PPOX: variants seen among roughly 807,000 people sequenced by gnomAD.
The protein encoded by PPOX is variegate porphyria.
A neutral mutation model predicts 54.1 loss-of-function variants in PPOX; 23 were observed. The ratio of observed to expected loss-of-function variants is 0.43; its 90% confidence interval spans 0.31 to 0.60. PPOX has a LOEUF of 0.60. Ranked by LOEUF, PPOX falls within the 20% of genes least tolerant of loss-of-function variation. The pLI is 0.13. For missense variants in PPOX, 512 were observed against 601.1 expected (o/e 0.85, Z 1.55); for synonymous variants, 224 against 236.1 (o/e 0.95, Z 0.47).
In PPOX at chr1:161,170,021, C is replaced by T; in HGVS notation, c.984C>T (p.Val328=). The change falls in exon 9 of 13, where the codon GTC becomes GTT. Residue 328 remains valine, a synonymous_variant. Transcript: ENST00000367999. The stretch of plus-strand genomic sequence containing the variant: ...AGTACCAAGGAGCCCATCTGCCTGT[C>T]CAGGTATGATAAAGGGACGGAGAGG... ...NLQYQGAHLP[V]QGFGHLVPSS... The T allele has an allele frequency of 6.2e-7, 1 of 1,613,152 alleles. No individual in the cohort carries two copies. The highest frequency in any genetic ancestry group is 8.5e-7 in the Non-Finnish European group (1 of 1,179,672).
At chr1:161,173,592 C>A, downstream of PPOX, 1 of 1,613,440 alleles carries the variant, frequency 6.2e-7, no homozygotes, top group South Asian at 1.1e-5. Flanking sequence ...GAGGAAGTGG[C>A]AGGAAGTCTG....
At chr1:161,177,514 TCTCGCGTCATGGGGCGGGGC>T (rs930960591), downstream of PPOX, 2 of 169,428 alleles carry the variant, frequency 1.2e-5, no homozygotes, top group South Asian at 1.2e-4. Context: ...GGGGGCGGGG[TCTCGCGTCATGGGGCGGGGC>T]CTCGGGGCGG....
chr1:161,176,812 G>C (rs979080173), intron 4 of PPOX: 8 of 1,517,318 alleles, frequency 5.3e-6, no homozygotes, highest in Non-Finnish European at 7.1e-6. Context: ...TGGGGAGTGG[G>C]GACAGGACAG....
intron 5 of PPOX, 21 bp downstream of exon 5, chr1:161,168,148 C>A: frequency 6.2e-7 from 1 of 1,614,140 alleles, no homozygotes; most frequent in Non-Finnish European, 8.5e-7. Flanking sequence ...CCCAGAGGCC[C>A]CAAACCTCTT....
chr1:161,176,747 TAA>T (rs1010746860), intron 4 of PPOX: 25 of 896,048 alleles, frequency 2.8e-5, no homozygotes, highest in South Asian at 1.1e-4. Flanking sequence ...CCTGGAATGA[TAA>T]GTGTCAGGTT....
downstream of PPOX, chr1:161,175,921 T>A: frequency 6.2e-7 from 1 of 1,614,006 alleles, no homozygotes; most frequent in South Asian, 1.1e-5. Context: ...GTGAGAATAG[T>A]CAAATGTCGG....
downstream of PPOX, chr1:161,172,482 A>G: frequency 1.5e-6 from 1 of 659,742 alleles, no homozygotes; most frequent in Non-Finnish European, 2.5e-6. Flanking sequence ...AAAGAAGGAA[A>G]TGGCTGAAGA....
At chr1:161,176,116 A>T, downstream of PPOX, 3 of 1,601,642 alleles carry the variant, frequency 1.9e-6, no homozygotes, top group East Asian at 6.7e-5. Flanking sequence ...GCAGGAAGAG[A>T]GCAAGCCAGC....
chr1:161,177,141 G>C (rs375154840), downstream of PPOX: 406 of 1,456,258 alleles, frequency 2.8e-4, 5 homozygotes, highest in South Asian at 4.8e-3. Context: ...CAGGGGCAGA[G>C]ACAGTCAGGG....
At chr1:161,177,201 G>A, downstream of PPOX, 1 of 859,106 alleles carries the variant, frequency 1.2e-6, no homozygotes, top group Non-Finnish European at 1.8e-6. Context: ...TGTGGAGGGG[G>A]TTAAAACCCA....
At chr1:161,170,321 T>TTTCC in intron 9 of PPOX, 88 bp from the exon 10 acceptor site, 3 of 367,766 alleles carry the variant, frequency 8.2e-6, no homozygotes, top group Non-Finnish European at 1.1e-5. Context: ...TGAGACTCTG[T>TTTCC]CCCCCCCACC....
At chr1:161,174,490 C>CT (rs1291553466), downstream of PPOX, among the ~76,000 whole-genome samples, 5 of 151,866 alleles carry the variant, frequency 3.3e-5, no homozygotes, top group African/African-American at 7.3e-5. Flanking sequence ...AAAAGAAAGA[C>CT]TATCTTTTTC....
At chr1:161,169,814 G>T in intron 8 of PPOX, 92 bp from the exon 9 acceptor site, 1 of 1,613,940 alleles carries the variant, frequency 6.2e-7, no homozygotes, top group Non-Finnish European at 8.5e-7. Flanking sequence ...CCATGCCCCT[G>T]AACTGGTCAT....
Position 161,168,534 on chromosome 1 carries a change from C to G in PPOX, c.574C>G (p.Gln192Glu), listed in dbSNP as rs1480705906. 6.2e-7 allele frequency: 1 copy of G among 1,614,186 alleles called. No homozygotes were observed. The highest frequency in any genetic ancestry group is 1.7e-5 in the Admixed American group (1 of 60,032). ...CTTTCCCAGTCTCTTCCAAGCTGAG[C>G]AAACCCATCGTTCCATATTACTGGG... ...SCFPSLFQAE[Q>E]THRSILLGLL... The change falls in exon 6 of 13, where the codon CAA becomes GAA. Residue 192 changes from glutamine (Q) to glutamate (E), a missense_variant. Coordinates refer to ENST00000367999, the MANE Select transcript of PPOX (RefSeq NM_001122764.3).
chr1:161,166,888 G>T lies in PPOX; in HGVS notation c.41G>T (p.Gly14Val). The T allele has an allele frequency of 6.2e-7, 1 of 1,613,724 alleles. No homozygotes were observed. The highest frequency in any genetic ancestry group is 8.5e-7 in the Non-Finnish European group (1 of 1,180,014). Reference sequence around the variant, plus strand: ...GTCGTGCTGGGCGGAGGCATCAGCGGCTTGGCCGCCAGTTACCACCTGAGC... The same window carrying T: ...GTCGTGCTGGGCGGAGGCATCAGCGTCTTGGCCGCCAGTTACCACCTGAGC... ...TVVVLGGGIS[G>V]LAASYHLSRA... The change falls in exon 2 of 13, where the codon GGC (glycine) becomes GTC (valine). Residue 14 changes from glycine (G) to valine (V), a missense_variant. Gly to Val is a moderately radical substitution (Grantham distance 109). Coordinates refer to ENST00000367999, the MANE Select transcript of PPOX (RefSeq NM_001122764.3).
chr1:161,166,983 A>G (rs775282048), intron 2 of PPOX, 49 bp downstream of exon 2: 2 of 1,610,872 alleles, frequency 1.2e-6, no homozygotes, highest in South Asian at 1.1e-5. Flanking sequence ...TGCTCTTCCC[A>G]TTTCCATCAA....
intron 9 of PPOX, 88 bp from the exon 10 acceptor site, chr1:161,170,321 T>TGGGGGGGCCC: frequency 2.7e-6 from 1 of 367,764 alleles, no homozygotes; most frequent in African/African-American, 2.9e-5. Flanking sequence ...TGAGACTCTG[T>TGGGGGGGCCC]CCCCCCCACC....
At chr1:161,172,294 T>TG (rs1661741575), downstream of PPOX, 1 of 1,613,966 alleles carries the variant, frequency 6.2e-7, no homozygotes, top group African/African-American at 1.3e-5. Context: ...CCTACAGATG[T>TG]GGGGGGCCGA....
upstream of PPOX, chr1:161,166,364 C>A: frequency 9.5e-7 from 1 of 1,051,168 alleles, no homozygotes; most frequent in Non-Finnish European, 1.2e-6. Context: ...CCGGGGCCTT[C>A]CAAGTCCCGC....
Sources: gnomAD v4.1 joint callset for allele counts (sites outside exome capture counted in the v4.1 genomes callset) on GRCh38, gnomAD v4.1.1 for gene constraint, MANE v1.5 for transcripts, NCBI Gene and HGNC (gene_info 2026-07-23, HGNC 2026-07-21) for gene names.